Variants in LRP1B observed in about 807,000 individuals in gnomAD.
LRP1B encodes low-density lipoprotein receptor-related protein 1B.
A neutral mutation model predicts 556.6 loss-of-function variants in LRP1B; 217 were observed. That is an observed-to-expected ratio of 0.39 (90% CI 0.35 to 0.44). LRP1B has a LOEUF of 0.44. Ranked by LOEUF, LRP1B falls within the 20% of genes least tolerant of loss-of-function variation. The probability of loss-of-function intolerance (pLI) is 1.00; values close to 1 mark genes in which losing one functional copy is unlikely to be tolerated. For missense variants in LRP1B, 5,053 were observed against 5,620.8 expected (o/e 0.90, Z 3.23); for synonymous variants, 2,047 against 1,865.8 (o/e 1.10, Z -2.50).
At chr2:140,732,904 G>A (rs552381895) in intron 35 of LRP1B, among the ~76,000 whole-genome samples, 45 of 152,264 alleles carry the variant, frequency 3.0e-4, no homozygotes, top group Admixed American at 1.4e-3. Flanking sequence ...AACATCTTAA[G>A]AAGGGTAGAT....
At chr2:141,018,147 T>C (rs1025326877) in intron 12 of LRP1B, among the ~76,000 whole-genome samples, 14 of 152,190 alleles carry the variant, frequency 9.2e-5, no homozygotes, top group Admixed American at 3.3e-4. Flanking sequence ...CCGTGTATTC[T>C]TCACATAAAA....
chr2:141,312,185 C>G (rs997013332), intron 3 of LRP1B, among the ~76,000 whole-genome samples: 1 of 152,122 alleles, frequency 6.6e-6, no homozygotes, highest in African/African-American at 2.4e-5. Flanking sequence ...TCTACCTCCT[C>G]CACCTCCTTT....
chr2:141,571,130 C>T lies in LRP1B; in HGVS notation c.206-90597G>A, dbSNP rs187935113. Among the ~76,000 whole-genome samples, 2 of 150,728 alleles carry T rather than the reference C, an allele frequency of 1.3e-5. 1 individual carries two copies. The highest frequency in any genetic ancestry group is 4.9e-5 in the African/African-American group (2 of 41,158). On this transcript the variant is annotated intron_variant, in intron 2 of 90. Transcript: ENST00000389484. ...AGACGCTCCAACAGGGGTTGTCAGA[C>T]ACCCTATACAGGAGTGATCCTATTG...
intron 41 of LRP1B, among the ~76,000 whole-genome samples, chr2:140,633,009 G>C (rs1173602920): frequency 6.6e-6 from 1 of 151,068 alleles, no homozygotes; most frequent in Non-Finnish European, 1.5e-5. Flanking sequence ...CTTGCAGTGA[G>C]CCGAGATCAT....
At chr2:141,983,812 G>A (rs1702109787) in intron 1 of LRP1B, among the ~76,000 whole-genome samples, 1 of 152,180 alleles carries the variant, frequency 6.6e-6, no homozygotes, top group African/African-American at 2.4e-5. Context: ...TGCAATCCCA[G>A]CACTTTGCCA....
chr2:140,775,466 G>GTTTT (rs1689460973), intron 33 of LRP1B, among the ~76,000 whole-genome samples: 2 of 88,954 alleles, frequency 2.2e-5, no homozygotes, highest in African/African-American at 3.8e-5. Context: ...TTTTTTGGTT[G>GTTTT]ATTTTTTTTT....
intron 7 of LRP1B, among the ~76,000 whole-genome samples, chr2:141,147,381 G>C (rs10198741): frequency 0.23 from 34,545 of 152,024 alleles, 4,486 homozygotes; most frequent in East Asian, 0.42. Context: ...GATAAAAATT[G>C]TTATTTTCTT....
rs570169727 is a variant in LRP1B, at chr2:140,855,493, G to GGAAAAAAAAAAAAAA, written c.4580-3711_4580-3710insTTTTTTTTTTTTTTC. 1.7e-3 allele frequency among the ~76,000 whole-genome samples: 167 copies of GGAAAAAAAAAAAAAA among 99,384 alleles called. 46 individuals carry two copies. Among genetic ancestry groups the GGAAAAAAAAAAAAAA allele is most frequent in the Non-Finnish European group, 2.3e-3 (112 of 48,948 alleles). The allele number at this position is 99,384 out of a possible 152,430, so 65.2% of individuals were successfully genotyped here. A position where few individuals can be genotyped will look rare whatever the true frequency, so the allele number is the denominator to read the frequency against. ...GACAGGTAGGTCCCATCTCTACTGG[G>GGAAAAAAAAAAAAAA]AAAAAAAAAAAATTTGAATGGCTTC... On this transcript the variant is annotated intron_variant, in intron 27 of 90. Transcript: ENST00000389484.
At chr2:140,960,127 T>C (rs1172764779) in intron 18 of LRP1B, among the ~76,000 whole-genome samples, 1 of 151,748 alleles carries the variant, frequency 6.6e-6, no homozygotes, top group Non-Finnish European at 1.5e-5. Context: ...TGATGTCCAT[T>C]TATAATTCTG....
chr2:140,281,117 C>T lies in LRP1B; in HGVS notation c.12968-6519G>A, dbSNP rs1682895468. On this transcript the variant is annotated intron_variant, in intron 84 of 90. Coordinates refer to ENST00000389484, the MANE Select transcript of LRP1B (RefSeq NM_018557.3). ...TCATTATTGCACACTCTCTCTTTTT[C>T]TTTCTCTTTTAATGTTTCTTTTCAT... is the stretch of plus-strand genomic sequence containing the variant. 2.0e-5 allele frequency among the ~76,000 whole-genome samples: 3 copies of T among 151,908 alleles called. No homozygotes were observed. In the South Asian group the frequency reaches 6.2e-4, roughly 31 times the overall value.
chr2:140,728,152 G>T (rs1687657142), intron 35 of LRP1B, among the ~76,000 whole-genome samples: 1 of 12,500 alleles, frequency 8.0e-5, no homozygotes, highest in East Asian at 2.3e-3. Context: ...AACATTACTT[G>T]TTATTAAAAA....
intron 3 of LRP1B, among the ~76,000 whole-genome samples, chr2:141,440,657 T>C (rs1680930271): frequency 1.3e-5 from 2 of 152,274 alleles, no homozygotes. Context: ...CCTGTTTCTA[T>C]ACTTTTAACA....
chr2:141,027,020 A>G (rs1698235086), intron 11 of LRP1B, among the ~76,000 whole-genome samples: 1 of 151,956 alleles, frequency 6.6e-6, no homozygotes, highest in Non-Finnish European at 1.5e-5. Context: ...TTCAAATTTG[A>G]CCTCTAGAAT....
chr2:140,385,456 A>T (rs76301660), intron 67 of LRP1B, among the ~76,000 whole-genome samples: 2,860 of 152,300 alleles, frequency 0.019, 43 homozygotes, highest in Non-Finnish European at 0.023. Flanking sequence ...TGACTACTGT[A>T]GAGAGAATAA....
intron 7 of LRP1B, among the ~76,000 whole-genome samples, chr2:141,108,436 C>T (rs1700666288): frequency 6.9e-6 from 1 of 145,728 alleles, no homozygotes; most frequent in Non-Finnish European, 1.5e-5. Context: ...GCAACCTCCT[C>T]CTCCCAGGTT....
chr2:140,899,785 G>C (rs760215222), intron 23 of LRP1B, among the ~76,000 whole-genome samples: 3 of 152,138 alleles, frequency 2.0e-5, no homozygotes, highest in African/African-American at 7.2e-5. Flanking sequence ...GCAACTTATC[G>C]ATAGAGGGCT....
At chr2:141,939,409 T>C (rs1700727946) in intron 1 of LRP1B, among the ~76,000 whole-genome samples, 1 of 152,080 alleles carries the variant, frequency 6.6e-6, no homozygotes, top group Non-Finnish European at 1.5e-5. Flanking sequence ...TATGGATACT[T>C]GACATAGAAC....
chr2:141,717,259 G>A (rs370786796), intron 2 of LRP1B, among the ~76,000 whole-genome samples: 25 of 152,126 alleles, frequency 1.6e-4, no homozygotes, highest in East Asian at 1.3e-3. Context: ...TCTGTACCAA[G>A]ACAGCCCTTT....
At chr2:140,854,901 T>C (rs1025746407) in intron 27 of LRP1B, among the ~76,000 whole-genome samples, 1 of 152,320 alleles carries the variant, frequency 6.6e-6, no homozygotes, top group African/African-American at 2.4e-5. Context: ...GCCTATTCCA[T>C]GTATTTGTAT....
Sources: allele counts gnomAD v4.1 joint callset (sites outside exome capture counted in the v4.1 genomes callset), GRCh38; gene constraint gnomAD v4.1.1; transcripts MANE v1.5; gene names NCBI Gene and HGNC (gene_info 2026-07-23, HGNC 2026-07-21).